The following CRHR1 variants were observed in gnomAD, a reference collection of about 807,000 sequenced individuals.
CRHR1 encodes corticotropin releasing hormone receptor 1, also known as corticotropin-releasing hormone receptor 1.
CRHR1 carries 28 observed loss-of-function variants against 56.0 expected under a neutral mutation model. The observed-to-expected ratio is 0.50, with a 90% CI of 0.37 to 0.69. CRHR1 has a LOEUF of 0.69. CRHR1 is among the 30% of genes least tolerant of loss of function. The probability of loss-of-function intolerance (pLI) is 0.00; values close to 1 mark genes in which losing one functional copy is unlikely to be tolerated. For synonymous variants in CRHR1, 195 were observed against 216.5 expected, an observed-to-expected ratio of 0.90 and a Z score of 0.87; for missense variants, 376 against 548.0, an observed-to-expected ratio of 0.69 and a Z score of 3.13.
chr17:45,796,130 A>G (rs1254168941), intron 1 of CRHR1, among the ~76,000 whole-genome samples: 1 of 152,142 alleles, frequency 6.6e-6, no homozygotes, highest in Non-Finnish European at 1.5e-5. Flanking sequence ...TACACTTGTC[A>G]GAGAGCGGCT....
intron 2 of CRHR1, among the ~76,000 whole-genome samples, chr17:45,810,663 C>G (rs1386747942): frequency 4.6e-5 from 7 of 152,172 alleles, no homozygotes; most frequent in African/African-American, 1.7e-4. Context: ...ATATTCTCCT[C>G]CATGCCTCCC....
At chr17:45,799,196 C>T (rs2061575555) in intron 1 of CRHR1, among the ~76,000 whole-genome samples, 2 of 152,244 alleles carry the variant, frequency 1.3e-5, no homozygotes, top group African/African-American at 4.8e-5. Flanking sequence ...TGGTACACAT[C>T]TTGCAAGTCT....
Position 45,834,057 on chromosome 17 carries a change from C to T in CRHR1, c.1107+9C>T. 6.2e-7 allele frequency: 1 copy of T among 1,612,924 alleles called. No individual in the cohort carries two copies. The highest frequency in any genetic ancestry group is 8.5e-7 in the Non-Finnish European group (1 of 1,179,026). On this transcript the variant is annotated intron_variant, in intron 12 of 12. Transcript: ENST00000314537. ...GTTTCCTCAATAGTGAGGTGAGGAC[C>T]CGGGGGCCCTGCAGCGGGGTTCAGG...
chr17:45,828,878 G>C (rs2062226138), intron 4 of CRHR1, among the ~76,000 whole-genome samples: 1 of 152,202 alleles, frequency 6.6e-6, no homozygotes, highest in Non-Finnish European at 1.5e-5. Context: ...GGCAGCATGG[G>C]TAGATGCGAG....
chr17:45,825,610 G>A (rs1438428836), intron 4 of CRHR1: 1 of 154,512 alleles, frequency 6.5e-6, no homozygotes, highest in Non-Finnish European at 1.5e-5. Flanking sequence ...GTGGTGGTTG[G>A]ACCAGGGCTT....
intron 3 of CRHR1, among the ~76,000 whole-genome samples, chr17:45,818,568 G>A (rs1043718477): frequency 1.3e-5 from 2 of 152,152 alleles, no homozygotes; most frequent in African/African-American, 4.8e-5. Flanking sequence ...AGGCTCCCCC[G>A]CACTTCCCTC....
At chr17:45,789,372 AT>A (rs66531491) in intron 1 of CRHR1, among the ~76,000 whole-genome samples, 1,658 of 143,894 alleles carry the variant, frequency 0.012, 3 homozygotes, top group African/African-American at 0.025. Context: ...GTCCCTAGGA[AT>A]TTTTTTTTTT....
At position 45,833,009 on chromosome 17, in the gene CRHR1, GGGT is replaced by G. The variant is rs1159160086; in HGVS notation, c.771-128_771-126del. 3.9e-6 allele frequency: 3 copies of G among 777,264 alleles called. No homozygotes were observed. In the African/African-American group the frequency reaches 5.1e-5, roughly 13 times the overall value. 48.1% of individuals were successfully genotyped at this position (777,264 alleles called of 1,614,324 possible). A position where few individuals can be genotyped will look rare whatever the true frequency, so the allele number is the denominator to read the frequency against. On this transcript the variant is annotated intron_variant, in intron 8 of 12. Transcript: ENST00000314537. ...GATCAAGTGACTTGACCTTCTGCCAGGGTTGGAATTGGGACATCTACCTCTTGG... is the reference window on the plus strand; with the variant it reads ...GATCAAGTGACTTGACCTTCTGCCAGTGGAATTGGGACATCTACCTCTTGG...
At chr17:45,789,274 C>T (rs1474481191) in intron 1 of CRHR1, among the ~76,000 whole-genome samples, 3 of 152,188 alleles carry the variant, frequency 2.0e-5, no homozygotes, top group Non-Finnish European at 2.9e-5. Flanking sequence ...GTCGAGATTT[C>T]AGCTGCAGTT....
At chr17:45,790,537 C>A (rs1205847161) in intron 1 of CRHR1, among the ~76,000 whole-genome samples, 1 of 152,242 alleles carries the variant, frequency 6.6e-6, no homozygotes, top group East Asian at 1.9e-4. Context: ...ATGTTTGCGG[C>A]TGTTCTTTCT....
intron 1 of CRHR1, among the ~76,000 whole-genome samples, chr17:45,785,104 A>G (rs1025685605): frequency 1.3e-5 from 2 of 151,952 alleles, no homozygotes; most frequent in African/African-American, 4.8e-5. Flanking sequence ...CGAGCCCTTG[A>G]TCAATATCGC....
At chr17:45,788,200 A>G (rs990615574) in intron 1 of CRHR1, among the ~76,000 whole-genome samples, 2 of 152,242 alleles carry the variant, frequency 1.3e-5, no homozygotes, top group African/African-American at 4.8e-5. Flanking sequence ...TAATTTCAGC[A>G]GCTATTGAAG....
Position 45,802,303 on chromosome 17 carries a change from C to T in CRHR1, c.34-4707C>T, listed in dbSNP as rs570064306. On this transcript the variant is annotated intron_variant, in intron 1 of 12. Transcript: ENST00000314537. ...TCGCACCACTGCACTCTAGCCTGGG[C>T]GACAGAGCAAGACTGTCTCAAAAAA... Among the ~76,000 whole-genome samples the T allele has an allele frequency of 1.2e-4, 18 of 152,232 alleles. No individual in the cohort carries two copies. The East Asian group carries it at 1.7e-3, about 15-fold the overall frequency.
At chr17:45,785,013 C>A (rs1222441029) in intron 1 of CRHR1, among the ~76,000 whole-genome samples, 1 of 152,206 alleles carries the variant, frequency 6.6e-6, no homozygotes, top group Non-Finnish European at 1.5e-5. Flanking sequence ...CACGCCCCCG[C>A]CCTAGTCTTG....
chr17:45,832,038 T>A (rs910549965), intron 8 of CRHR1, among the ~76,000 whole-genome samples: 4 of 151,714 alleles, frequency 2.6e-5, no homozygotes, highest in Non-Finnish European at 5.9e-5. Flanking sequence ...CTGGCTAACA[T>A]GGTGAAACCC....
chr17:45,795,407 G>C (rs1258886604), intron 1 of CRHR1, among the ~76,000 whole-genome samples: 1 of 152,208 alleles, frequency 6.6e-6, no homozygotes, highest in Non-Finnish European at 1.5e-5. Flanking sequence ...CCCAACCTCA[G>C]CACTATTGAC....
At chr17:45,796,939 AC>A (rs2061528458) in intron 1 of CRHR1, among the ~76,000 whole-genome samples, 1 of 152,240 alleles carries the variant, frequency 6.6e-6, no homozygotes. Flanking sequence ...AGCAAATCAT[AC>A]AAAGACGGGG....
At chr17:45,823,152 A>AT (rs2062081405) in intron 4 of CRHR1, among the ~76,000 whole-genome samples, 2 of 151,640 alleles carry the variant, frequency 1.3e-5, no homozygotes, top group African/African-American at 4.8e-5. Context: ...CAAAAAAAAA[A>AT]AAAAAAATGG....
At chr17:45,809,822 G>A (rs1174338953) in intron 2 of CRHR1, among the ~76,000 whole-genome samples, 1 of 152,252 alleles carries the variant, frequency 6.6e-6, no homozygotes, top group Non-Finnish European at 1.5e-5. Flanking sequence ...CTATCATGTG[G>A]CAGACCACAG....
Sources: allele counts gnomAD v4.1 joint callset (sites outside exome capture counted in the v4.1 genomes callset), GRCh38; gene constraint gnomAD v4.1.1; transcripts MANE v1.5; gene names NCBI Gene and HGNC (gene_info 2026-07-23, HGNC 2026-07-21).